The following SVEP1 variants were observed in gnomAD, a reference collection of about 807,000 sequenced individuals.
SVEP1 encodes the protein sushi, von Willebrand factor type A, EGF and pentraxin domain-containing protein 1.
In SVEP1, 164 loss-of-function variants were observed where a neutral mutation model predicts 367.3. The observed-to-expected ratio is 0.45, with a 90% CI of 0.39 to 0.51. The LOEUF is 0.51. Ranked by LOEUF, SVEP1 falls within the 20% of genes least tolerant of loss-of-function variation. The probability of loss-of-function intolerance (pLI) is 0.00; values close to 1 mark genes in which losing one functional copy is unlikely to be tolerated. For missense variants in SVEP1, 4,117 were observed against 4,425.3 expected (o/e 0.93, Z 1.98); for synonymous variants, 1,666 against 1,611.6 (o/e 1.03, Z -0.81).
At chr9:110,396,125 G>T (rs930277995) in intron 40 of SVEP1, among the ~76,000 whole-genome samples, 4 of 152,116 alleles carry the variant, frequency 2.6e-5, no homozygotes, top group South Asian at 2.1e-4. Flanking sequence ...AAATGTAAAA[G>T]AACAGAAATT....
chr9:110,427,753 T>C lies in SVEP1; in HGVS notation c.5813A>G (p.Gln1938Arg), dbSNP rs761584533. 4 of 1,609,814 alleles carry C rather than the reference T, an allele frequency of 2.5e-6. No individual in the cohort carries two copies. The highest frequency in any genetic ancestry group is 1.1e-5 in the South Asian group (1 of 90,316). ...CGTGCATTCAATAATGGAAGGGCCC[T>C]GTAAGCTGCGGGAAAGAATGATGTT... is the stretch of plus-strand genomic sequence containing the variant. ...SYSCDTGYSL[Q>R]GPSIIECTAS... Residue 1938 changes from glutamine (Q) to arginine (R), a missense_variant, in exon 36 of 48, where the codon CAG (glutamine) becomes CGG (arginine). By Grantham distance (43) the Gln-to-Arg change is conservative. Transcript: ENST00000374469.
Position 110,387,351 on chromosome 9 carries a change from C to G in SVEP1, c.9994G>C (p.Glu3332Gln). The change falls in exon 42 of 48, where the codon GAA becomes CAA. Residue 3332 changes from glutamate (E) to glutamine (Q), a missense_variant. By Grantham distance (29) the Glu-to-Gln change is conservative. Around this residue, in one of 4 missense-constraint regions of SVEP1, gnomAD observed 1,765 missense variants for 1,781.1 expected, o/e 0.99. Coordinates refer to ENST00000374469, the MANE Select transcript of SVEP1 (RefSeq NM_153366.4). ...GTGCAGTGTGCCTCAGATGGCCCTT[C>G]AAGACTGTAGCCTCTGTTGCAGGAA... ...VYSCNRGYSL[E>Q]GPSEAHCTEN... 8 of 1,613,618 alleles carry G rather than the reference C, an allele frequency of 5.0e-6. No homozygotes were observed. Among genetic ancestry groups the G allele is most frequent in the Non-Finnish European group, 5.9e-6 (7 of 1,179,784 alleles).
rs1185798839 is a variant in SVEP1 at position 110,514,283 on chromosome 9, G to T, written c.965-177C>A. 1.8e-5 allele frequency: 13 copies of T among 727,888 alleles called. No individual in the cohort carries two copies. The South Asian group carries it at 2.1e-4, about 12-fold the overall frequency. 45.1% of individuals were successfully genotyped at this position (727,888 alleles called of 1,614,324 possible). A position where few individuals can be genotyped will look rare whatever the true frequency, so the allele number is the denominator to read the frequency against. On this transcript the variant is annotated intron_variant, in intron 3 of 47. Coordinates refer to ENST00000374469, the MANE Select transcript of SVEP1 (RefSeq NM_153366.4). ...TCCCTGTACTTTGGGAAGCAGAGGC[G>T]GGTGGATCACCTGAGGTCAGGAGTT...
intron 46 of SVEP1, among the ~76,000 whole-genome samples, chr9:110,373,724 G>A (rs1234489188): frequency 6.6e-6 from 1 of 151,710 alleles, no homozygotes; most frequent in Non-Finnish European, 1.5e-5. Flanking sequence ...ACTATATTTC[G>A]GCACTATGCT....
In SVEP1 at chr9:110,482,251, A is replaced by C. The variant is rs1033237394; in HGVS notation, c.2170+110T>G. 6 of 1,217,316 alleles carry C rather than the reference A, an allele frequency of 4.9e-6. No homozygotes were observed. In the African/African-American group the frequency reaches 6.1e-5, roughly 12 times the overall value. The allele number at this position is 1,217,316 out of a possible 1,614,324, so 75.4% of individuals were successfully genotyped here. A position where few individuals can be genotyped will look rare whatever the true frequency, so the allele number is the denominator to read the frequency against. On this transcript the variant is annotated intron_variant, in intron 11 of 47. Coordinates refer to ENST00000374469, the MANE Select transcript of SVEP1 (RefSeq NM_153366.4). ...CTAAATAAAACCTGTCAGTCTTCTAACTGTAAAAATCTAATGCTCATAGCC... is the reference window on the plus strand; with the variant it reads ...CTAAATAAAACCTGTCAGTCTTCTACCTGTAAAAATCTAATGCTCATAGCC...
At chr9:110,527,145 A>C (rs913642063) in intron 3 of SVEP1, among the ~76,000 whole-genome samples, 8 of 152,178 alleles carry the variant, frequency 5.3e-5, no homozygotes, top group Middle Eastern at 3.4e-3. Context: ...CCTGTTTGAG[A>C]TACTGTACTA....
Position 110,434,558 on chromosome 9 carries a change from T to A in SVEP1, c.4889-52A>T, listed in dbSNP as rs781149702. On this transcript the variant is annotated intron_variant, in intron 29 of 47. Coordinates refer to ENST00000374469, the MANE Select transcript of SVEP1 (RefSeq NM_153366.4). ...GCTTGTCAGCGGCATAGTGGTAGCA[T>A]CACCAAGTCAATGATTTCAAACTGT... 3 of 1,548,714 alleles carry A rather than the reference T, an allele frequency of 1.9e-6. No individual in the cohort carries two copies. In the Admixed American group the frequency reaches 5.4e-5, roughly 28 times the overall value.
intron 5 of SVEP1, among the ~76,000 whole-genome samples, chr9:110,511,717 C>T (rs1027147509): frequency 6.6e-6 from 1 of 151,886 alleles, no homozygotes; most frequent in African/African-American, 2.4e-5. Context: ...GGCCAATTTA[C>T]ATTTATAGAT....
chr9:110,540,954 T>A (rs922842366), intron 3 of SVEP1, among the ~76,000 whole-genome samples: 1 of 151,968 alleles, frequency 6.6e-6, no homozygotes, highest in Middle Eastern at 3.2e-3. Flanking sequence ...AGACCACCAA[T>A]CTCCCACAAC....
Position 110,415,256 on chromosome 9 carries a change from G to A in SVEP1, c.5976-3521C>T, listed in dbSNP as rs916073167. Reference sequence around the variant, plus strand: ...CATTTTTGTCCTAAGCTTAAGAGTGGATCTTGCCCTTATAATTCAAGGAAA... The same window carrying A: ...CATTTTTGTCCTAAGCTTAAGAGTGAATCTTGCCCTTATAATTCAAGGAAA... On this transcript the variant is annotated intron_variant, in intron 36 of 47. Transcript: ENST00000374469. Among the ~76,000 whole-genome samples the A allele has an allele frequency of 7.4e-4, 113 of 151,940 alleles. 1 individual carries two copies. The highest frequency in any genetic ancestry group is 2.7e-3 in the African/African-American group (110 of 41,240).
At chr9:110,494,757 T>G (rs895072940) in intron 8 of SVEP1, among the ~76,000 whole-genome samples, 6 of 150,426 alleles carry the variant, frequency 4.0e-5, no homozygotes, top group South Asian at 2.1e-4. Flanking sequence ...TATAGTGGGG[T>G]TTTTTTCCCC....
intron 8 of SVEP1, among the ~76,000 whole-genome samples, chr9:110,492,818 T>C (rs1000534206): frequency 3.3e-5 from 5 of 152,036 alleles, no homozygotes; most frequent in Admixed American, 2.0e-4. Context: ...GGCTGGATGC[T>C]TGCTGGGCAG....
Position 110,410,949 on chromosome 9 carries a change from T to C in SVEP1, c.6648+114A>G, listed in dbSNP as rs1480729905. On this transcript the variant is annotated intron_variant, in intron 37 of 47. Coordinates refer to ENST00000374469, the MANE Select transcript of SVEP1 (RefSeq NM_153366.4). ...TGTTAGTGATAATAGTAAATTCCAG[T>C]TTCCATGCCTTAGTGAACTTGGCAG... 4 of 869,510 alleles carry C rather than the reference T, an allele frequency of 4.6e-6. No individual in the cohort carries two copies. The Admixed American group carries it at 1.0e-4, about 23-fold the overall frequency. The allele number at this position is 869,510 out of a possible 1,614,324, so 53.9% of individuals were successfully genotyped here.
At chr9:110,393,809 G>C (rs899955357) in intron 40 of SVEP1, among the ~76,000 whole-genome samples, 2 of 152,228 alleles carry the variant, frequency 1.3e-5, no homozygotes, top group African/African-American at 4.8e-5. Context: ...GAGGCTGGGG[G>C]AGGGGTGCCC....
At chr9:110,455,442 C>A in intron 22 of SVEP1, 148 bp downstream of exon 22, 1 of 617,002 alleles carries the variant, frequency 1.6e-6, no homozygotes, top group South Asian at 2.8e-5. Flanking sequence ...TTTCCCAATG[C>A]AAATAAGTAA....
chr9:110,549,738 C>A, intron 2 of SVEP1, 111 bp downstream of exon 2: 1 of 1,386,262 alleles, frequency 7.2e-7, no homozygotes, highest in South Asian at 1.4e-5. Flanking sequence ...GCATCATATT[C>A]AGCAAAGACC....
chr9:110,566,730 A>G (rs1355396396), intron 1 of SVEP1, among the ~76,000 whole-genome samples: 1 of 152,230 alleles, frequency 6.6e-6, no homozygotes, highest in Non-Finnish European at 1.5e-5. Context: ...GAATCTGTGC[A>G]ATATTGAGGA....
intron 35 of SVEP1, 97 bp from the exon 36 acceptor site, chr9:110,427,855 G>A (rs1564139769): frequency 1.4e-6 from 2 of 1,401,032 alleles, no homozygotes; most frequent in African/African-American, 2.9e-5. Context: ...GGACATTTGA[G>A]GAATTTGAGT....
At chr9:110,370,530 A>G (rs186145195) in intron 46 of SVEP1, among the ~76,000 whole-genome samples, 41 of 152,294 alleles carry the variant, frequency 2.7e-4, no homozygotes, top group African/African-American at 9.6e-4. Context: ...GTCTAAAATA[A>G]CAGATGATTC....
Sources: gnomAD v4.1 joint callset for allele counts (sites outside exome capture counted in the v4.1 genomes callset) on GRCh38, gnomAD v4.1.1 for gene constraint, gnomAD v4.1.1 regional missense constraint, MANE v1.5 for transcripts, NCBI Gene and HGNC (gene_info 2026-07-23, HGNC 2026-07-21) for gene names.